CHRD: variants seen among roughly 807,000 people sequenced by gnomAD.
CHRD encodes chordin.
CHRD carries 69 observed loss-of-function variants against 113.7 expected under a neutral mutation model. That is an observed-to-expected ratio of 0.61 (90% confidence interval 0.50 to 0.74). CHRD has a LOEUF of 0.74. Among genes scored for constraint, CHRD ranks in the 30% least tolerant of loss-of-function variants. The pLI is 0.00. For missense variants in CHRD, 1,194 were observed against 1,295.8 expected, an observed-to-expected ratio of 0.92 and a Z score of 1.21; for synonymous variants, 561 against 540.8, an observed-to-expected ratio of 1.04 and a Z score of -0.52.
At chr3:184,389,853 G>C (rs1157585256), downstream of CHRD, 4 of 158,860 alleles carry the variant, frequency 2.5e-5, no homozygotes, top group African/African-American at 9.6e-5. Context: ...TTGGCTCTTT[G>C]TGGCCAGGAA....
At chr3:184,383,024 C>A in exon 10 of CHRD, 1 of 1,612,582 alleles carries the variant, frequency 6.2e-7, no homozygotes, top group African/African-American at 1.3e-5. Context: ...AGGAACCAGG[C>A]TTTGCTGAGG....
chr3:184,384,977 G>T lies in CHRD; in HGVS notation c.1598-41G>T. ...TGCTGGGTTTGAGGGCTTGCCCTAGGCCACCTTCTCACCTGTCATCTCTCC... is the reference window on the plus strand; with the variant it reads ...TGCTGGGTTTGAGGGCTTGCCCTAGTCCACCTTCTCACCTGTCATCTCTCC... On this transcript the variant is annotated intron_variant, in intron 13 of 22. Coordinates refer to ENST00000204604, the Ensembl canonical transcript of CHRD. The surrounding 1 kb of genome is among the most constrained non-coding windows in gnomAD (Gnocchi z 4.4). The T allele has an allele frequency of 6.3e-7, 1 of 1,596,432 alleles. No homozygotes were observed. The highest frequency in any genetic ancestry group is 8.6e-7 in the Non-Finnish European group (1 of 1,166,604).
Position 184,380,533 on chromosome 3 carries a change from A to G in CHRD, c.148+67A>G. The G allele has an allele frequency of 9.8e-7, 1 of 1,018,504 alleles. No individual in the cohort carries two copies. The highest frequency in any genetic ancestry group is 1.2e-6 in the Non-Finnish European group (1 of 836,868). 63.1% of individuals were successfully genotyped at this position (1,018,504 alleles called of 1,614,324 possible). On this transcript the variant is annotated intron_variant, in intron 1 of 22. Coordinates refer to ENST00000204604, the Ensembl canonical transcript of CHRD. This position sits in a 1 kb window ranked among gnomAD's most constrained non-coding sequence, Gnocchi z 6.3. ...TCGGGGCGAGTCAGCGCCAGCCCGG[A>G]GGGGGCGCGGGGCGCAGGTGGCTCG...
intron 6 of CHRD, 140 bp downstream of exon 6, chr3:184,382,160 G>A (rs1715542770): frequency 4.7e-6 from 6 of 1,277,064 alleles, no homozygotes; most frequent in Non-Finnish European, 5.5e-6. Context: ...ACAGAAGGGG[G>A]AACTGAGGCT....
chr3:184,388,250 TCCATC>T lies in CHRD; in HGVS notation c.2554+219_2554+223del, dbSNP rs1716646297. Among the ~76,000 whole-genome samples, 2 of 150,866 alleles carry T rather than the reference TCCATC, an allele frequency of 1.3e-5. No homozygotes were observed. Among genetic ancestry groups the T allele is most frequent in the South Asian group, 2.1e-4 (1 of 4,776 alleles). On this transcript the variant is annotated intron_variant, in intron 20 of 22. Transcript: ENST00000204604. This position sits in a 1 kb window ranked among gnomAD's most constrained non-coding sequence, Gnocchi z 6.1. ...CTCCATCCATCCGTCCATCCATCCATCCATCCATCCATCCATCCATCCATCCATCC... is the reference window on the plus strand; with the variant it reads ...CTCCATCCATCCGTCCATCCATCCATCATCCATCCATCCATCCATCCATCC...
rs1169873749 is a variant in CHRD, at chr3:184,387,563, C to T, written c.2451+86C>T. On this transcript the variant is annotated intron_variant, in intron 19 of 22. Coordinates refer to ENST00000204604, the Ensembl canonical transcript of CHRD. The surrounding 1 kb of genome is among the most constrained non-coding windows in gnomAD (Gnocchi z 6.1). The stretch of plus-strand genomic sequence containing the variant: ...GGCTGCCAGGTGAGGAAGGCCCGTC[C>T]TTGGTGAGGAGGGCTCAAGAATCAA... 1 of 1,255,342 alleles carries T rather than the reference C, an allele frequency of 8.0e-7. No homozygotes were observed. 77.8% of individuals were successfully genotyped at this position (1,255,342 alleles called of 1,614,324 possible). A position where few individuals can be genotyped will look rare whatever the true frequency, so the allele number is the denominator to read the frequency against.
At chr3:184,385,990 C>T in intron 14 of CHRD, 56 bp from the exon 15 acceptor site, 1 of 1,551,658 alleles carries the variant, frequency 6.4e-7, no homozygotes, top group Non-Finnish European at 8.9e-7. Context: ...GAACTGGGGA[C>T]AGTAGGCTCA....
Position 184,383,176 on chromosome 3 carries a change from G to A in CHRD, c.1213+13G>A. The A allele has an allele frequency of 1.3e-6, 2 of 1,595,398 alleles. No homozygotes were observed. The highest frequency in any genetic ancestry group is 1.7e-5 in the Admixed American group (1 of 59,284). On this transcript the variant is annotated intron_variant, in intron 10 of 22. Coordinates refer to ENST00000204604, the Ensembl canonical transcript of CHRD. The stretch of plus-strand genomic sequence containing the variant: ...AAGAGCTGCGACGGTGAGGCGGGGG[G>A]GGGGCCTGGTGCGCCGGGCATGCAC...
At chr3:184,389,269 G>T in intron 22 of CHRD, 98 bp from the exon 23 acceptor site, 2 of 1,158,240 alleles carry the variant, frequency 1.7e-6, no homozygotes, top group Non-Finnish European at 2.5e-6. Context: ...TGGCCTTTCT[G>T]GGACCAAGGC....
At chr3:184,390,063 T>C (rs1015277578), downstream of CHRD, 1 of 152,132 alleles carries the variant, frequency 6.6e-6, no homozygotes, top group East Asian at 1.9e-4. Context: ...AGAAGCAGGA[T>C]TTTGACTCAA....
chr3:184,380,276 G>GCGCCCTCCTCC lies in CHRD; in HGVS notation c.-41_-31dup, dbSNP rs1175640322. 3 of 363,712 alleles carry GCGCCCTCCTCC rather than the reference G, an allele frequency of 8.2e-6. No homozygotes were observed. Among genetic ancestry groups the GCGCCCTCCTCC allele is most frequent in the Non-Finnish European group, 1.2e-5 (3 of 258,672 alleles). The allele number at this position is 363,712 out of a possible 1,614,324, so 22.5% of individuals were successfully genotyped here. Reference sequence around the variant, plus strand: ...CGCCTCCCTCCCTCCGCCCGCTCCCGCGCCCTCCTCCCTCCCTCCTCCCCA... The same window carrying GCGCCCTCCTCC: ...CGCCTCCCTCCCTCCGCCCGCTCCCGCGCCCTCCTCCCGCCCTCCTCCCTCCCTCCTCCCCA... On this transcript the variant is annotated 5_prime_UTR_variant, in exon 1 of 23. Coordinates refer to ENST00000204604, the Ensembl canonical transcript of CHRD. The surrounding 1 kb of genome is among the most constrained non-coding windows in gnomAD (Gnocchi z 6.3).
Position 184,381,645 on chromosome 3 carries a change from G to T in CHRD, c.511+21G>T. 6.2e-7 allele frequency: 1 copy of T among 1,604,590 alleles called. No individual in the cohort carries two copies. Among genetic ancestry groups the T allele is most frequent in the East Asian group, 2.2e-5 (1 of 44,586 alleles). ...CACGGGTAGGGGGCTGGCGAACAGC[G>T]GGGTTGTGGTTGAGGCTGGGCCACC... On this transcript the variant is annotated intron_variant, in intron 4 of 22. Transcript: ENST00000204604. The surrounding 1 kb of genome is among the most constrained non-coding windows in gnomAD (Gnocchi z 4.7).
In CHRD at chr3:184,381,622, C is replaced by G; in HGVS notation, c.509C>G (p.Thr170Arg). 1.2e-6 allele frequency: 2 copies of G among 1,605,140 alleles called. No individual in the cohort carries two copies. The highest frequency in any genetic ancestry group is 8.5e-7 in the Non-Finnish European group (1 of 1,175,464). Residue 170 changes from threonine to arginine, a missense_variant and splice_region_variant, in exon 4 of 23, where the codon ACG becomes AGG. By Grantham distance (71) the Thr-to-Arg change is moderately conservative (BLOSUM62 -1). Coordinates refer to ENST00000204604, the Ensembl canonical transcript of CHRD. The surrounding 1 kb of genome is among the most constrained non-coding windows in gnomAD (Gnocchi z 4.7). ...GAGCGGGCCCGTGGTGACGGCCACA[C>G]GGGTAGGGGGCTGGCGAACAGCGGG...
Position 184,381,617 on chromosome 3 carries a change from C to G in CHRD, c.504C>G (p.Gly168=), listed in dbSNP as rs1168804345. The change falls in exon 4 of 23, where the codon GGC becomes GGG. Residue 168 remains glycine, a synonymous_variant. Transcript: ENST00000204604. This position sits in a 1 kb window ranked among gnomAD's most constrained non-coding sequence, Gnocchi z 4.7. ...CTGAGGAGCGGGCCCGTGGTGACGG[C>G]CACACGGGTAGGGGGCTGGCGAACA... The G allele has an allele frequency of 6.2e-7, 1 of 1,605,906 alleles. No individual in the cohort carries two copies. Among genetic ancestry groups the G allele is most frequent in the Non-Finnish European group, 8.5e-7 (1 of 1,176,018 alleles).
chr3:184,380,861 G>A lies in CHRD; in HGVS notation c.252+66G>A. ...GGAGCGCCGGGTCGCGCGGGCGTCG[G>A]AGTGGACTCGGAGCTGCTGAGAAGG... On this transcript the variant is annotated intron_variant, in intron 2 of 22. Coordinates refer to ENST00000204604, the Ensembl canonical transcript of CHRD. The surrounding 1 kb of genome is among the most constrained non-coding windows in gnomAD (Gnocchi z 6.3). 4 of 1,225,302 alleles carry A rather than the reference G, an allele frequency of 3.3e-6. No homozygotes were observed. The highest frequency in any genetic ancestry group is 4.5e-6 in the Non-Finnish European group (4 of 883,842). 75.9% of individuals were successfully genotyped at this position (1,225,302 alleles called of 1,614,324 possible).
exon 16 of CHRD, chr3:184,386,636 C>T (rs747350106): frequency 6.2e-7 from 1 of 1,609,978 alleles, no homozygotes; most frequent in Non-Finnish European, 8.5e-7. Context: ...GCCCGCCAAA[C>T]CTGGTGGTCC....
In CHRD at chr3:184,388,550, C is replaced by A; in HGVS notation, c.2555-37C>A. On this transcript the variant is annotated intron_variant, in intron 20 of 22. Coordinates refer to ENST00000204604, the Ensembl canonical transcript of CHRD. This position sits in a 1 kb window ranked among gnomAD's most constrained non-coding sequence, Gnocchi z 6.1. Reference sequence around the variant, plus strand: ...AGAATACTCATAAAACCTTGTTGGTCCTCCTGGGCTGATCCTTTCTCTTTC... The same window carrying A: ...AGAATACTCATAAAACCTTGTTGGTACTCCTGGGCTGATCCTTTCTCTTTC... 1.3e-6 allele frequency: 2 copies of A among 1,581,132 alleles called. No individual in the cohort carries two copies. Among genetic ancestry groups the A allele is most frequent in the Admixed American group, 1.8e-5 (1 of 54,316 alleles).
In CHRD at chr3:184,383,301, C is replaced by A. The variant is rs1577392644; in HGVS notation, c.1214-11C>A. The stretch of plus-strand genomic sequence containing the variant: ...GGTAAACCTAGCCTCACCTGTCTTG[C>A]CCCTCCGTAGTCCTGCAAAGTGTCC... On this transcript the variant is annotated splice_polypyrimidine_tract_variant and intron_variant, in intron 10 of 22. Coordinates refer to ENST00000204604, the Ensembl canonical transcript of CHRD. The A allele has an allele frequency of 1.4e-5, 23 of 1,610,880 alleles. No homozygotes were observed. In the East Asian group the frequency reaches 3.6e-4, roughly 25 times the overall value.
In CHRD at chr3:184,381,405, C is replaced by A; in HGVS notation, c.382+41C>A. Reference sequence around the variant, plus strand: ...CCCTGCGGGGAGGGAGGCAGGGCCACGATACTAGGTCCCGGGCCACTTGGA... The same window carrying A: ...CCCTGCGGGGAGGGAGGCAGGGCCAAGATACTAGGTCCCGGGCCACTTGGA... On this transcript the variant is annotated intron_variant, in intron 3 of 22. Transcript: ENST00000204604. This position sits in a 1 kb window ranked among gnomAD's most constrained non-coding sequence, Gnocchi z 4.7. 1 of 1,597,492 alleles carries A rather than the reference C, an allele frequency of 6.3e-7. No homozygotes were observed. The highest frequency in any genetic ancestry group is 1.3e-5 in the African/African-American group (1 of 74,750).
Sources: allele counts gnomAD v4.1 joint callset (sites outside exome capture counted in the v4.1 genomes callset), GRCh38; gene constraint gnomAD v4.1.1; non-coding constraint Gnocchi (gnomAD v3.1); transcripts MANE v1.5; gene names NCBI Gene and HGNC (gene_info 2026-07-23, HGNC 2026-07-21).